Variants in TET1 observed in about 807,000 individuals in gnomAD.
TET1 encodes the protein tet methylcytosine dioxygenase 1.
Under a neutral mutation model 148.7 loss-of-function variants are expected in TET1, and 13 were observed. The observed-to-expected ratio is 0.09, with a 90% CI of 0.06 to 0.14. The LOEUF is 0.14. Among genes scored for constraint, TET1 ranks in the 10% least tolerant of loss-of-function variants. The probability of loss-of-function intolerance (pLI) is 1.00; values close to 1 mark genes in which losing one functional copy is unlikely to be tolerated. For synonymous variants in TET1, 907 were observed against 937.2 expected (o/e 0.97, Z 0.59); for missense variants, 2,182 against 2,553.8 (o/e 0.85, Z 3.14).
chr10:68,608,508 T>G (rs1589071813), intron 3 of TET1, among the ~76,000 whole-genome samples: 1 of 152,150 alleles, frequency 6.6e-6, no homozygotes, highest in East Asian at 1.9e-4. Flanking sequence ...GTGCTGGGAT[T>G]ATAGGCGTGA....
In TET1 at chr10:68,691,068, A is replaced by G. The variant is rs762986035; in HGVS notation, c.5665A>G (p.Ser1889Gly). 2 of 1,614,220 alleles carry G rather than the reference A, an allele frequency of 1.2e-6. No homozygotes were observed. Among genetic ancestry groups the G allele is most frequent in the South Asian group, 2.2e-5 (2 of 91,084 alleles). ...PHCTMPSGRLSGANAAAADGP... is the reference protein window; with the variant it reads ...PHCTMPSGRLGGANAAAADGP... ...CTGTACGATGCCTTCGGGAAGACTC[A>G]GTGGTGCCAATGCAGCTGCTGCTGA... is the stretch of plus-strand genomic sequence containing the variant. Residue 1889 changes from serine (S) to glycine (G), a missense_variant, in exon 12 of 12, where the codon AGT (serine) becomes GGT (glycine). Ser to Gly is a moderately conservative substitution (Grantham distance 56, BLOSUM62 0). Transcript: ENST00000373644. This position sits in a 1 kb window ranked among gnomAD's most constrained non-coding sequence, Gnocchi z 4.4.
At chr10:68,651,975 GT>G (rs1564493162) in intron 5 of TET1, 39 bp downstream of exon 5, 2 of 1,543,518 alleles carry the variant, frequency 1.3e-6, no homozygotes, top group South Asian at 2.3e-5. Context: ...CATTCTTACT[GT>G]GGATCTGACT....
At chr10:68,670,080 TGTC>T (rs1168942176) in intron 7 of TET1, among the ~76,000 whole-genome samples, 1 of 152,232 alleles carries the variant, frequency 6.6e-6, no homozygotes, top group Non-Finnish European at 1.5e-5. Flanking sequence ...ATGTAGACTT[TGTC>T]TTTTTCCCTA....
chr10:68,595,026 G>A (rs1415039866), intron 2 of TET1, among the ~76,000 whole-genome samples: 1 of 150,486 alleles, frequency 6.6e-6, no homozygotes, highest in Non-Finnish European at 1.5e-5. Flanking sequence ...TTAGCTTGTT[G>A]TGGTAGCACA....
chr10:68,580,782 C>CAAAA (rs71483915), intron 2 of TET1, among the ~76,000 whole-genome samples: 5 of 95,300 alleles, frequency 5.2e-5, no homozygotes, highest in African/African-American at 8.6e-5. Flanking sequence ...AACTCCATCT[C>CAAAA]AAAAAAAAAA....
At chr10:68,580,272 C>G (rs1044620721) in intron 2 of TET1, among the ~76,000 whole-genome samples, 1 of 139,056 alleles carries the variant, frequency 7.2e-6, no homozygotes, top group Non-Finnish European at 1.6e-5. Flanking sequence ...TAATTTTTAT[C>G]TTATTTTTCA....
chr10:68,572,291 C>G lies in TET1; in HGVS notation c.-48C>G, dbSNP rs1400448899. 1 of 1,480,210 alleles carries G rather than the reference C, an allele frequency of 6.8e-7. No individual in the cohort carries two copies. The highest frequency in any genetic ancestry group is 2.4e-5 in the Admixed American group (1 of 42,492). 91.7% of individuals were successfully genotyped at this position (1,480,210 alleles called of 1,614,324 possible). On this transcript the variant is annotated 5_prime_UTR_variant, in exon 2 of 12. Transcript: ENST00000373644. ...TCAGAAGTGAGACTTTCCAAAGGAC[C>G]AATGACTCTGTTTCCTGCGCCCTTT...
At chr10:68,666,600 G>A (rs1187076855) in intron 6 of TET1, among the ~76,000 whole-genome samples, 1 of 152,206 alleles carries the variant, frequency 6.6e-6, no homozygotes, top group East Asian at 1.9e-4. Context: ...TATAACAGCA[G>A]TGAAATAAAA....
intron 8 of TET1, chr10:68,673,423 A>G: frequency 2.5e-6 from 1 of 407,352 alleles, no homozygotes; most frequent in Non-Finnish European, 5.0e-6. Context: ...AGAATTACTA[A>G]AGGACGTAAT....
chr10:68,646,859 C>T lies in TET1; in HGVS notation c.4130C>T (p.Ser1377Leu). The T allele has an allele frequency of 1.2e-6, 2 of 1,614,180 alleles. No individual in the cohort carries two copies. The highest frequency in any genetic ancestry group is 2.2e-5 in the South Asian group (2 of 91,074). Residue 1377 changes from serine to leucine, a missense_variant, in exon 4 of 12, where the codon TCA becomes TTA. Transcript: ENST00000373644. ...ACCAAAAGTGAAGAGGAAGTCTGTT[C>T]ATCCAGTTTTGGAACATCAGAATTT... ...VSTKSEEEVC[S>L]SSFGTSEFST...
At chr10:68,636,023 T>G (rs957784200) in intron 3 of TET1, among the ~76,000 whole-genome samples, 11 of 152,154 alleles carry the variant, frequency 7.2e-5, no homozygotes, top group African/African-American at 2.4e-4. Context: ...ATTTAAGAAA[T>G]GATTGAATCT....
chr10:68,638,765 T>TTGTG (rs59106736), intron 3 of TET1, among the ~76,000 whole-genome samples: 10,969 of 140,696 alleles, frequency 0.078, 413 homozygotes, highest in African/African-American at 0.088. Flanking sequence ...TGTATGGAGT[T>TTGTG]TGTGTGTGTG....
intron 5 of TET1, 74 bp from the exon 6 acceptor site, chr10:68,652,427 A>T (rs1282025847): frequency 2.0e-6 from 2 of 1,016,198 alleles, no homozygotes; most frequent in Non-Finnish European, 2.9e-6. Context: ...ATACATTAAG[A>T]TGTTCAAAGC....
intron 2 of TET1, among the ~76,000 whole-genome samples, chr10:68,579,752 G>A (rs1355205800): frequency 6.6e-6 from 1 of 152,090 alleles, no homozygotes; most frequent in Non-Finnish European, 1.5e-5. Context: ...TAAGATTTTT[G>A]CAAAACCCAC....
intron 4 of TET1, among the ~76,000 whole-genome samples, chr10:68,648,937 T>C (rs150173211): frequency 1.4e-4 from 21 of 152,322 alleles, no homozygotes; most frequent in African/African-American, 4.6e-4. Flanking sequence ...CAAACTGCAA[T>C]GTGCCAGTTA....
Position 68,686,525 on chromosome 10 carries a change from G to A in TET1, c.5222G>A (p.Arg1741His), listed in dbSNP as rs371499355. ...GCCATCGAGGTCCTGGCACCCCGCCGCAAAAAAAGAACGTGTTTCACTCAG... is the reference window on the plus strand; with the variant it reads ...GCCATCGAGGTCCTGGCACCCCGCCACAAAAAAAGAACGTGTTTCACTCAG... Reference protein sequence around the residue: ...SGAIEVLAPRRKKRTCFTQPV... With the variant: ...SGAIEVLAPRHKKRTCFTQPV... Residue 1741 changes from arginine to histidine, a missense_variant, in exon 11 of 12, where the codon CGC becomes CAC. Physicochemically the swap from Arg to His is conservative, Grantham distance 29 (BLOSUM62 0). This residue lies in a region of TET1 where 380 missense variants were observed against 387.9 expected (regional missense o/e 0.98). Coordinates refer to ENST00000373644, the MANE Select transcript of TET1 (RefSeq NM_030625.3). 1.7e-5 allele frequency: 28 copies of A among 1,613,926 alleles called. No homozygotes were observed. In the East Asian group the frequency reaches 3.6e-4, roughly 21 times the overall value.
In TET1 at chr10:68,567,563, G is replaced by A. The variant is rs7079428; in HGVS notation, c.-122-4654G>A. ...CCCGTCTCCGCCTCCAATAGTGCTGGGATTACAGGCATGAGCCACTGTGCT... is the reference window on the plus strand; with the variant it reads ...CCCGTCTCCGCCTCCAATAGTGCTGAGATTACAGGCATGAGCCACTGTGCT... On this transcript the variant is annotated intron_variant, in intron 1 of 11. Transcript: ENST00000373644. Among the ~76,000 whole-genome samples the A allele has an allele frequency of 6.4e-3, 974 of 151,760 alleles. 17 individuals are homozygous for A. Among genetic ancestry groups the A allele is most frequent in the African/African-American group, 0.022 (931 of 41,408 alleles).
chr10:68,684,629 G>A (rs747216227), intron 10 of TET1, among the ~76,000 whole-genome samples: 9 of 152,126 alleles, frequency 5.9e-5, no homozygotes, highest in African/African-American at 1.4e-4. Flanking sequence ...TCCAGGGCCC[G>A]GATTACTCAC....
At chr10:68,678,984 T>C (rs1462369020) in intron 8 of TET1, among the ~76,000 whole-genome samples, 1 of 152,102 alleles carries the variant, frequency 6.6e-6, no homozygotes, top group Middle Eastern at 3.2e-3. Context: ...AAGACCAGCA[T>C]GGCCAACATG....
Sources: allele counts gnomAD v4.1 joint callset (sites outside exome capture counted in the v4.1 genomes callset), GRCh38; gene constraint gnomAD v4.1.1; regional missense constraint gnomAD v4.1.1; non-coding constraint Gnocchi (gnomAD v3.1); transcripts MANE v1.5; gene names NCBI Gene and HGNC (gene_info 2026-07-23, HGNC 2026-07-21).